Variants in CDKL3 observed in about 807,000 individuals in gnomAD.
CDKL3 encodes cyclin dependent kinase like 3, also known as cyclin-dependent kinase-like 3.
A neutral mutation model predicts 69.3 loss-of-function variants in CDKL3; 65 were observed. The observed-to-expected ratio is 0.94, with a 90% CI of 0.77 to 1.15. The LOEUF is 1.15. Ranked by LOEUF, CDKL3 falls within the 50% of genes most tolerant of loss-of-function variation. The pLI is 0.00. For synonymous variants in CDKL3, 202 were observed against 221.6 expected (o/e 0.91, Z 0.79); for missense variants, 652 against 689.2 (o/e 0.95, Z 0.61).
rs1755572349 is a variant in CDKL3 at position 134,359,812 on chromosome 5, C to T, written c.360+85G>A. The T allele has an allele frequency of 6.9e-6, 6 of 871,390 alleles. No homozygotes were observed. The African/African-American group carries it at 7.0e-5, about 10-fold the overall frequency. The allele number at this position is 871,390 out of a possible 1,614,324, so 54.0% of individuals were successfully genotyped here. On this transcript the variant is annotated intron_variant, in intron 3 of 12. Transcript: ENST00000265334. ...TTATTGTATAGAAAAAGAATGTTAG[C>T]CACCTTCATAAAAATAAAACAATGT...
In CDKL3 at chr5:134,298,706, C is replaced by T. The variant is rs111498005; in HGVS notation, c.1724G>A (p.Gly575Glu). Reference sequence around the variant, plus strand: ...ATTCTTCCCCTCGCAATGGCCATCTCCACCCTAAAATTAGAAACCAAGCTA... The same window carrying T: ...ATTCTTCCCCTCGCAATGGCCATCTTCACCCTAAAATTAGAAACCAAGCTA... The part of the protein sequence containing the change: ...VDQNQEKQEG[G>E]DGHCEGKNLK... The change falls in exon 13 of 13, where the codon GGA becomes GAA. Residue 575 changes from glycine to glutamate, a missense_variant. Gly to Glu is a moderately conservative substitution (Grantham distance 98). Transcript: ENST00000265334. 1 of 1,612,232 alleles carries T rather than the reference C, an allele frequency of 6.2e-7. No homozygotes were observed. The highest frequency in any genetic ancestry group is 8.5e-7 in the Non-Finnish European group (1 of 1,178,906).
intron 4 of CDKL3, 56 bp from the exon 5 acceptor site, chr5:134,321,959 A>G (rs574016843): frequency 3.4e-6 from 3 of 875,542 alleles, no homozygotes; most frequent in Non-Finnish European, 5.4e-6. Context: ...TTATAAATAT[A>G]TTCTTAAAAA....
intron 6 of CDKL3, chr5:134,319,128 C>T: frequency 3.2e-6 from 1 of 314,082 alleles, no homozygotes; most frequent in Non-Finnish European, 5.7e-6. Context: ...CAAGAGCAGC[C>T]TGGCCAACCA....
At chr5:134,342,599 CAA>C (rs1037920958) in intron 4 of CDKL3, among the ~76,000 whole-genome samples, 4 of 93,574 alleles carry the variant, frequency 4.3e-5, no homozygotes, top group Non-Finnish European at 4.5e-5. Context: ...GACTCTGTCT[CAA>C]AAAAAAAAAA....
intron 6 of CDKL3, among the ~76,000 whole-genome samples, chr5:134,313,516 G>T (rs1373442287): frequency 6.6e-6 from 1 of 152,064 alleles, no homozygotes; most frequent in African/African-American, 2.4e-5. Flanking sequence ...GGCCCAGAGA[G>T]ATCAAGTAAT....
chr5:134,302,613 C>A lies in CDKL3; in HGVS notation c.1696G>T (p.Asp566Tyr), dbSNP rs756705224. Residue 566 changes from aspartate (D) to tyrosine (Y), a missense_variant, in exon 12 of 13, where the codon GAT (aspartate) becomes TAT (tyrosine). Transcript: ENST00000265334. ...ACCTCTTGTTTTTCTTGATTTTGAT[C>A]CACGTTAAGTAAAGTTGGTATCTTA... ...SSKIPTLLNV[D>Y]QNQEKQEGGD... The A allele has an allele frequency of 6.3e-7, 1 of 1,589,078 alleles. No individual in the cohort carries two copies. Among genetic ancestry groups the A allele is most frequent in the Non-Finnish European group, 8.6e-7 (1 of 1,162,840 alleles).
Position 134,319,442 on chromosome 5 carries a change from C to A in CDKL3, c.708G>T (p.Gly236=). The change falls in exon 6 of 13, where the codon GGG becomes GGT. Residue 236 remains glycine (G), a synonymous_variant. Transcript: ENST00000265334. ...NIFSKSPIFA[G]VVLPQVQHPK... ...GGTGTTGAACTTGAGGAAGAACTAC[C>A]CCAGCAAAAATGGGGCTCTTGGAAA... The A allele has an allele frequency of 1.9e-6, 3 of 1,538,468 alleles. No individual in the cohort carries two copies. The highest frequency in any genetic ancestry group is 1.7e-4 in the Middle Eastern group (1 of 5,964).
chr5:134,310,976 C>A (rs917965642), intron 7 of CDKL3, among the ~76,000 whole-genome samples: 20 of 152,182 alleles, frequency 1.3e-4, no homozygotes, highest in African/African-American at 4.3e-4. Flanking sequence ...ATCTTTCTAA[C>A]GTCACGTCCA....
chr5:134,284,024 G>A (rs996669817), downstream of CDKL3, among the ~76,000 whole-genome samples: 14 of 152,162 alleles, frequency 9.2e-5, no homozygotes, highest in African/African-American at 3.4e-4. Flanking sequence ...AATGCAAGAG[G>A]TGGGTTCCCA....
intron 8 of CDKL3, among the ~76,000 whole-genome samples, chr5:134,290,582 G>T (rs1765085539): frequency 6.6e-6 from 1 of 152,122 alleles, no homozygotes; most frequent in Non-Finnish European, 1.5e-5. Flanking sequence ...TCAAAGAAGG[G>T]GAGAGGCATA....
chr5:134,363,795 T>A lies in CDKL3; in HGVS notation c.165+2564A>T, dbSNP rs114934698. 6.0e-3 allele frequency among the ~76,000 whole-genome samples: 910 copies of A among 151,896 alleles called. 6 individuals are homozygous for A. The highest frequency in any genetic ancestry group is 0.02 in the African/African-American group (845 of 41,452). ...TCTAATAATCCACAGATGCCTAATA[T>A]ATTTCCTCAAATTAGGCCAGGCACA... On this transcript the variant is annotated intron_variant, in intron 2 of 12. Transcript: ENST00000265334.
intron 4 of CDKL3, among the ~76,000 whole-genome samples, chr5:134,343,593 C>T (rs1751079023): frequency 6.6e-6 from 1 of 152,180 alleles, no homozygotes; most frequent in Non-Finnish European, 1.5e-5. Flanking sequence ...GATTCTGACC[C>T]TCCATAAACT....
chr5:134,348,229 A>T (rs1304010644), intron 4 of CDKL3, among the ~76,000 whole-genome samples: 1 of 152,164 alleles, frequency 6.6e-6, no homozygotes, highest in East Asian at 1.9e-4. Flanking sequence ...CTATTATTTT[A>T]AAAAATGCAA....
chr5:134,331,151 T>C (rs1775688861), intron 4 of CDKL3, among the ~76,000 whole-genome samples: 1 of 152,218 alleles, frequency 6.6e-6, no homozygotes, highest in South Asian at 2.1e-4. Context: ...TACTGTTGGC[T>C]ACTGTTTCTA....
chr5:134,283,828 G>T (rs533760075), downstream of CDKL3, among the ~76,000 whole-genome samples: 6 of 152,190 alleles, frequency 3.9e-5, no homozygotes, highest in African/African-American at 1.4e-4. Flanking sequence ...TCAAAAGCAA[G>T]TTATTTACTT....
At chr5:134,351,591 GTCCTACA>G (rs80342902) in intron 3 of CDKL3, among the ~76,000 whole-genome samples, 4,836 of 151,954 alleles carry the variant, frequency 0.032, 109 homozygotes, top group Middle Eastern at 0.071. Context: ...CGTGTCTGTA[GTCCTACA>G]GCCTACAGTA....
downstream of CDKL3, chr5:134,298,241 G>A: frequency 1.0e-6 from 1 of 984,810 alleles, no homozygotes; most frequent in Non-Finnish European, 1.2e-6. Flanking sequence ...GCCATGAATA[G>A]CTTTTAAAAC....
At chr5:134,299,579 C>A in intron 12 of CDKL3, 1 of 1,326,276 alleles carries the variant, frequency 7.5e-7, no homozygotes, top group Non-Finnish European at 9.9e-7. Context: ...ACAGGATTTA[C>A]GATATACCTG....
At chr5:134,314,057 T>C (rs936326052) in intron 6 of CDKL3, among the ~76,000 whole-genome samples, 8 of 152,002 alleles carry the variant, frequency 5.3e-5, no homozygotes, top group African/African-American at 1.5e-4. Flanking sequence ...GGCGGAAGAA[T>C]TGCTTGAACC....
Sources: gnomAD v4.1 joint callset for allele counts (sites outside exome capture counted in the v4.1 genomes callset) on GRCh38, gnomAD v4.1.1 for gene constraint, MANE v1.5 for transcripts, NCBI Gene and HGNC (gene_info 2026-07-23, HGNC 2026-07-21) for gene names.